Variants in CFAP299 observed in about 807,000 individuals in gnomAD.
The protein encoded by CFAP299 is cilia- and flagella-associated protein 299.
CFAP299 carries 21 observed loss-of-function variants against 27.0 expected under a neutral mutation model. The ratio of observed to expected loss-of-function variants is 0.78; its 90% CI spans 0.55 to 1.12. CFAP299 has a LOEUF of 1.12. Ranked by LOEUF, CFAP299 falls within the 50% of genes most tolerant of loss-of-function variation. The pLI, the probability that CFAP299 is intolerant of heterozygous loss-of-function variation, is 0.00. For missense variants in CFAP299, 310 were observed against 276.6 expected, an observed-to-expected ratio of 1.12 and a Z score of -0.86; for synonymous variants, 104 against 98.1, an observed-to-expected ratio of 1.06 and a Z score of -0.36.
At chr4:80,694,255 T>A (rs1720947677) in intron 3 of CFAP299, among the ~76,000 whole-genome samples, 2 of 152,184 alleles carry the variant, frequency 1.3e-5, no homozygotes, top group South Asian at 4.1e-4. Flanking sequence ...GGTCAGTACA[T>A]ACGTCTCACA....
At chr4:80,799,573 A>G (rs1198391111) in intron 3 of CFAP299, among the ~76,000 whole-genome samples, 1 of 74,388 alleles carries the variant, frequency 1.3e-5, no homozygotes, top group Non-Finnish European at 2.3e-5. Flanking sequence ...AAATATATAT[A>G]TTTATAAAAT....
At chr4:80,695,127 A>G in intron 3 of CFAP299, among the ~76,000 whole-genome samples, 1 of 152,194 alleles carries the variant, frequency 6.6e-6, no homozygotes, top group East Asian at 1.9e-4. Flanking sequence ...ATATTTGGGG[A>G]CAGGATAGTA....
chr4:80,358,554 G>C (rs945776407), intron 1 of CFAP299, among the ~76,000 whole-genome samples: 3 of 151,246 alleles, frequency 2.0e-5, no homozygotes, highest in Non-Finnish European at 3.0e-5. Flanking sequence ...GTTAAATCTT[G>C]TTGAACTCTT....
intron 3 of CFAP299, among the ~76,000 whole-genome samples, chr4:80,832,896 T>G (rs2110132701): frequency 6.6e-6 from 1 of 152,110 alleles, no homozygotes; most frequent in East Asian, 1.9e-4. Flanking sequence ...ATTGTTACCA[T>G]TCAGAGATAT....
At chr4:80,456,003 A>G (rs2110101264) in intron 2 of CFAP299, among the ~76,000 whole-genome samples, 1 of 152,322 alleles carries the variant, frequency 6.6e-6, no homozygotes, top group South Asian at 2.1e-4. Context: ...GAAGAAAAAT[A>G]AAGCAGGAAA....
Position 80,583,096 on chromosome 4 carries a change from G to A in CFAP299, c.246G>A (p.Thr82=), listed in dbSNP as rs141410009. 35 of 1,596,876 alleles carry A rather than the reference G, an allele frequency of 2.2e-5. No homozygotes were observed. In the African/African-American group the frequency reaches 2.7e-4, roughly 12 times the overall value. ...ARLAERAQQK[T]LTSAGKDLQD... ...ACTGAAGATCTGCCTTTTACAGGAC[G>A]CTAACAAGTGCTGGTAAAGACCTAC... Residue 82 remains threonine (T), a synonymous_variant, in exon 3 of 6, where the codon ACG becomes ACA. Coordinates refer to ENST00000358105, the MANE Select transcript of CFAP299 (RefSeq NM_152770.3).
At chr4:80,606,161 C>T (rs1413374933) in intron 3 of CFAP299, among the ~76,000 whole-genome samples, 1 of 152,208 alleles carries the variant, frequency 6.6e-6, no homozygotes, top group Non-Finnish European at 1.5e-5. Flanking sequence ...AAACCTCATT[C>T]TCCAATCATA....
At chr4:80,347,236 T>C (rs1423201522) in intron 1 of CFAP299, among the ~76,000 whole-genome samples, 2 of 152,188 alleles carry the variant, frequency 1.3e-5, no homozygotes, top group South Asian at 4.1e-4. Flanking sequence ...CAATTTGACT[T>C]CTTCTTTTCC....
At chr4:80,856,875 T>A in intron 3 of CFAP299, among the ~76,000 whole-genome samples, 1 of 152,024 alleles carries the variant, frequency 6.6e-6, no homozygotes, top group East Asian at 1.9e-4. Context: ...TAGGATTGAC[T>A]TGGTGATGAG....
In CFAP299 at chr4:80,525,006, G is replaced by A. The variant is rs113790609; in HGVS notation, c.243-58087G>A. ...ATGACAAGGCCCTGGCTTTTTGCTG[G>A]CTGTTAGATAGAGGTTGTCCTCAGA... On this transcript the variant is annotated intron_variant, in intron 2 of 5. Transcript: ENST00000358105. Among the ~76,000 whole-genome samples the A allele has an allele frequency of 1.2e-3, 183 of 152,188 alleles. 1 individual carries two copies. The highest frequency in any genetic ancestry group is 2.3e-3 in the Non-Finnish European group (157 of 68,006).
At position 80,963,612 on chromosome 4, in the gene CFAP299, A is replaced by G; in HGVS notation, c.702A>G (p.Ter234=). 1 of 1,562,014 alleles carries G rather than the reference A, an allele frequency of 6.4e-7. No homozygotes were observed. Among genetic ancestry groups the G allele is most frequent in the Non-Finnish European group, 8.8e-7 (1 of 1,138,464 alleles). ...ACCACATTTCCAGAAGGAAGACTTA[A>G]GTACCAACATGTTAATTTCCTAATA... The part of the protein sequence containing the change: ...IFDHISRRKT[*] The change falls in exon 6 of 6, where the codon TAA becomes TAG. Residue 234 remains the stop codon, a stop_retained_variant. Transcript: ENST00000358105.
chr4:80,757,689 A>AG (rs968274136), intron 3 of CFAP299, among the ~76,000 whole-genome samples: 7 of 149,302 alleles, frequency 4.7e-5, no homozygotes, highest in African/African-American at 1.8e-4. Flanking sequence ...TCACAAAGTC[A>AG]GGTTTTTTGT....
chr4:80,488,219 C>T (rs1334936423), intron 2 of CFAP299, among the ~76,000 whole-genome samples: 2 of 152,114 alleles, frequency 1.3e-5, no homozygotes, highest in African/African-American at 2.4e-5. Flanking sequence ...CTACAGCCCC[C>T]CACTGCCGCA....
chr4:80,577,123 A>T (rs528423787), intron 2 of CFAP299, among the ~76,000 whole-genome samples: 2 of 152,210 alleles, frequency 1.3e-5, no homozygotes, highest in Non-Finnish European at 2.9e-5. Context: ...TGTTTATGAT[A>T]TGCTGCTTTG....
chr4:80,701,960 A>G (rs1721514646), intron 3 of CFAP299, among the ~76,000 whole-genome samples: 1 of 151,866 alleles, frequency 6.6e-6, no homozygotes, highest in African/African-American at 2.4e-5. Context: ...GCCAGGTTTT[A>G]TTCCCCAGAG....
At chr4:80,880,463 G>T (rs1052598960) in intron 4 of CFAP299, among the ~76,000 whole-genome samples, 1 of 152,148 alleles carries the variant, frequency 6.6e-6, no homozygotes, top group African/African-American at 2.4e-5. Flanking sequence ...CAGGTGTAGT[G>T]GCTCACGCCT....
chr4:80,772,548 A>AT (rs57377935), intron 3 of CFAP299, among the ~76,000 whole-genome samples: 38 of 149,672 alleles, frequency 2.5e-4, no homozygotes, highest in South Asian at 1.1e-3. Context: ...AATAGGCACT[A>AT]TTTTTTTTTT....
At chr4:80,719,272 G>T (rs371316628) in intron 3 of CFAP299, among the ~76,000 whole-genome samples, 49 of 152,196 alleles carry the variant, frequency 3.2e-4, no homozygotes, top group African/African-American at 1.1e-3. Context: ...ACTTGTAAAT[G>T]TATCCCTGAA....
intron 5 of CFAP299, among the ~76,000 whole-genome samples, chr4:80,955,952 A>G (rs1738043603): frequency 6.6e-6 from 1 of 152,176 alleles, no homozygotes; most frequent in African/African-American, 2.4e-5. Context: ...GTGAGCTGAG[A>G]TAGATTGTGC....
Sources: gnomAD v4.1 joint callset for allele counts (sites outside exome capture counted in the v4.1 genomes callset) on GRCh38, gnomAD v4.1.1 for gene constraint, MANE v1.5 for transcripts, NCBI Gene and HGNC (gene_info 2026-07-23, HGNC 2026-07-21) for gene names.